TXNDC11: variants seen among roughly 807,000 people sequenced by gnomAD.
The protein encoded by TXNDC11 is thioredoxin domain containing 11.
A neutral mutation model predicts 78.0 loss-of-function variants in TXNDC11; 68 were observed. That is an observed-to-expected ratio of 0.87 (90% CI 0.72 to 1.07). The LOEUF is 1.07. TXNDC11 is among the 50% of genes least tolerant of loss of function. The pLI is 0.00. For synonymous variants in TXNDC11, 571 were observed against 495.2 expected, an observed-to-expected ratio of 1.15 and a Z score of -2.03; for missense variants, 1,389 against 1,221.8, an observed-to-expected ratio of 1.14 and a Z score of -2.04.
intron 5 of TXNDC11, among the ~76,000 whole-genome samples, chr16:11,719,426 T>G (rs1451768316): frequency 6.6e-6 from 1 of 152,238 alleles, no homozygotes; most frequent in Non-Finnish European, 1.5e-5. Flanking sequence ...ACAGACATAC[T>G]TATATGACAG....
In TXNDC11 at chr16:11,691,594, A is replaced by C. The variant is rs1344702943; in HGVS notation, c.1596T>G (p.Val532=). 6.2e-7 allele frequency: 1 copy of C among 1,614,212 alleles called. No individual in the cohort carries two copies. The highest frequency in any genetic ancestry group is 8.5e-7 in the Non-Finnish European group (1 of 1,180,036). The change falls in exon 8 of 12, where the codon GTT becomes GTG. Residue 532 remains valine, a synonymous_variant. Transcript: ENST00000283033. ...ATTTCTTCTCAAGGGAAGAAAATGCAACAGTAGGGGCTTCAAAGACACCTT... is the reference window on the plus strand; with the variant it reads ...ATTTCTTCTCAAGGGAAGAAAATGCCACAGTAGGGGCTTCAAAGACACCTT... ...SEQGVFEAPT[V]AFSSLEKKCE...
chr16:11,700,726 G>C (rs1290857380), intron 5 of TXNDC11, among the ~76,000 whole-genome samples, 162 bp from the exon 6 acceptor site: 15 of 152,172 alleles, frequency 9.9e-5, no homozygotes, highest in Admixed American at 9.8e-4. Context: ...CTCTCCTCCT[G>C]AAACCGACCT....
rs144421123 is a variant in TXNDC11 at position 11,713,606 on chromosome 16, G to A, written c.793+7971C>T. 5.9e-5 allele frequency among the ~76,000 whole-genome samples: 9 copies of A among 152,126 alleles called. No individual in the cohort carries two copies. The East Asian group carries it at 1.2e-3, about 20-fold the overall frequency. On this transcript the variant is annotated intron_variant, in intron 5 of 11. Coordinates refer to ENST00000283033, the MANE Select transcript of TXNDC11 (RefSeq NM_015914.7). ...TATTTTTGTATTTTTAGTAAACACC[G>A]GGTTTCTCCGTGTTGGTCAGACTGG... is the stretch of plus-strand genomic sequence containing the variant.
At chr16:11,717,562 C>T (rs568981550) in intron 5 of TXNDC11, among the ~76,000 whole-genome samples, 43 of 152,046 alleles carry the variant, frequency 2.8e-4, no homozygotes, top group African/African-American at 1.0e-3. Flanking sequence ...TGGCTCACGC[C>T]TGTAATCCCA....
chr16:11,724,555 G>T (rs970299648), intron 4 of TXNDC11, among the ~76,000 whole-genome samples: 20 of 152,082 alleles, frequency 1.3e-4, no homozygotes, highest in African/African-American at 4.6e-4. Flanking sequence ...CCTGACCTCA[G>T]GAGTTCCAAA....
Position 11,696,877 on chromosome 16 carries a change from G to T in TXNDC11, c.1107+1248C>A, listed in dbSNP as rs138646109. ...GGCTCCTGCCACAAAATACAACCCAGCCAGGACCCTGACACACCCAAACCA... is the reference window on the plus strand; with the variant it reads ...GGCTCCTGCCACAAAATACAACCCATCCAGGACCCTGACACACCCAAACCA... On this transcript the variant is annotated intron_variant, in intron 7 of 11. Transcript: ENST00000283033. Among the ~76,000 whole-genome samples the T allele has an allele frequency of 4.2e-3, 640 of 152,176 alleles. 4 individuals carry two copies. The highest frequency in any genetic ancestry group is 0.014 in the African/African-American group (599 of 41,512).
At chr16:11,700,652 C>T in intron 5 of TXNDC11, 88 bp from the exon 6 acceptor site, 1 of 643,174 alleles carries the variant, frequency 1.6e-6, no homozygotes, top group Non-Finnish European at 2.8e-6. Flanking sequence ...GAAGCACAAA[C>T]CCCTGCAGCT....
intron 7 of TXNDC11, 79 bp downstream of exon 7, chr16:11,698,046 C>T (rs2050905632): frequency 7.4e-7 from 1 of 1,357,118 alleles, no homozygotes; most frequent in Admixed American, 1.7e-5. Flanking sequence ...GAGTAAATGA[C>T]TGAGTGTGGG....
chr16:11,742,209 G>A (rs990967665), intron 1 of TXNDC11: 6 of 411,630 alleles, frequency 1.5e-5, no homozygotes, highest in African/African-American at 4.2e-5. Context: ...AACAGGTGAG[G>A]AGCACCCCCG....
chr16:11,679,744 G>A lies in TXNDC11; in HGVS notation c.2328C>T (p.Ser776=), dbSNP rs1176876088. 1.2e-6 allele frequency: 2 copies of A among 1,614,212 alleles called. No homozygotes were observed. The change falls in exon 12 of 12, where the codon AGC becomes AGT. Residue 776 remains serine, a synonymous_variant. Coordinates refer to ENST00000283033, the MANE Select transcript of TXNDC11 (RefSeq NM_015914.7). The surrounding 1 kb of genome is among the most constrained non-coding windows in gnomAD (Gnocchi z 4.6). ...FILHHSDPAS[S]PQNVANSPTK... ...TAGGAGAGTTAGCCACATTCTGGGG[G>A]CTGGAAGCAGGGTCTGAGTGATGCA...
rs1193243435 is a variant in TXNDC11 at position 11,742,509 on chromosome 16, G to A, written c.222C>T (p.Cys74=). 8 of 1,454,060 alleles carry A rather than the reference G, an allele frequency of 5.5e-6. No homozygotes were observed. Among genetic ancestry groups the A allele is most frequent in the African/African-American group, 1.5e-5 (1 of 67,486 alleles). 90.1% of individuals were successfully genotyped at this position (1,454,060 alleles called of 1,614,324 possible). A position where few individuals can be genotyped will look rare whatever the true frequency, so the allele number is the denominator to read the frequency against. The change falls in exon 1 of 12, where the codon TGC becomes TGT. Residue 74 remains cysteine (C), a synonymous_variant. Transcript: ENST00000283033. Reference sequence around the variant, plus strand: ...TGAACTTGAGGGCGAGGAGCAGCGCGCAGCCGAGCGCCACGGCCCCGCAGA... The same window carrying A: ...TGAACTTGAGGGCGAGGAGCAGCGCACAGCCGAGCGCCACGGCCCCGCAGA... ...ELLCGAVALG[C]ALLLALKFTC...
intron 5 of TXNDC11, among the ~76,000 whole-genome samples, chr16:11,706,396 C>T (rs1451445124): frequency 4.6e-5 from 7 of 152,218 alleles, no homozygotes; most frequent in Non-Finnish European, 8.8e-5. Context: ...GCCCTGTGAT[C>T]GTCGGCTACA....
intron 5 of TXNDC11, among the ~76,000 whole-genome samples, chr16:11,710,399 C>G (rs2141058055): frequency 6.6e-6 from 1 of 152,250 alleles, no homozygotes; most frequent in Non-Finnish European, 1.5e-5. Flanking sequence ...GCTCCCAGGC[C>G]TACAAAAATA....
chr16:11,720,724 CAT>C (rs748025949), intron 5 of TXNDC11, among the ~76,000 whole-genome samples: 9 of 146,770 alleles, frequency 6.1e-5, no homozygotes, highest in African/African-American at 1.5e-4. Flanking sequence ...ACATTCATAT[CAT>C]ATATATATAT....
rs1243681647 is a variant in TXNDC11, at chr16:11,679,510, TG to T, written c.2561del (p.Ala854AspfsTer135). 1.2e-6 allele frequency: 2 copies of T among 1,613,426 alleles called. No individual in the cohort carries two copies. The highest frequency in any genetic ancestry group is 2.2e-5 in the South Asian group (2 of 91,084). On this transcript the variant is annotated frameshift_variant, in exon 12 of 12. Coordinates refer to ENST00000283033, the MANE Select transcript of TXNDC11 (RefSeq NM_015914.7). LOFTEE classifies it low-confidence loss of function (END_TRUNC). The surrounding 1 kb of genome is among the most constrained non-coding windows in gnomAD (Gnocchi z 4.6). ...AGAGGGCCTGCAGCTGCTCACTGTG[TG>T]CGTGGAGCAGGCTGTGCTGCTCTTC... Reference protein sequence around the residue: ...ALEEQHSLLHAHSEQLQALYE... With the variant: ...ALEEQHSLLHXHSEQLQALYE...
At chr16:11,706,847 T>G (rs1265408068) in intron 5 of TXNDC11, among the ~76,000 whole-genome samples, 2 of 152,204 alleles carry the variant, frequency 1.3e-5, no homozygotes, top group Admixed American at 1.3e-4. Flanking sequence ...AATATATGAC[T>G]ACAGCTGACC....
intron 10 of TXNDC11, among the ~76,000 whole-genome samples, chr16:11,686,658 G>T (rs914395160): frequency 6.6e-6 from 1 of 152,184 alleles, no homozygotes; most frequent in Non-Finnish European, 1.5e-5. Context: ...TATGTTAAAT[G>T]ATACTTTGTT....
intron 10 of TXNDC11, among the ~76,000 whole-genome samples, chr16:11,684,792 G>C (rs949219084): frequency 6.6e-6 from 1 of 152,194 alleles, no homozygotes; most frequent in Non-Finnish European, 1.5e-5. Flanking sequence ...CTGCTCTAGA[G>C]GCCTGCCCCG....
intron 5 of TXNDC11, among the ~76,000 whole-genome samples, chr16:11,716,451 C>T (rs560736934): frequency 6.6e-6 from 1 of 152,282 alleles, no homozygotes; most frequent in Non-Finnish European, 1.5e-5. Context: ...AAAAATGTTA[C>T]AAGAGGAACA....
Sources: gnomAD v4.1 joint callset for allele counts (sites outside exome capture counted in the v4.1 genomes callset) on GRCh38, gnomAD v4.1.1 for gene constraint, Gnocchi (gnomAD v3.1) non-coding constraint, MANE v1.5 for transcripts, NCBI Gene and HGNC (gene_info 2026-07-23, HGNC 2026-07-21) for gene names.